Variants in ADGRD1 observed in about 807,000 individuals in gnomAD.
ADGRD1 encodes G-protein coupled receptor 133.
A neutral mutation model predicts 113.4 loss-of-function variants in ADGRD1; 77 were observed. The ratio of observed to expected loss-of-function variants is 0.68; its 90% CI spans 0.57 to 0.82. The LOEUF (loss-of-function observed/expected upper bound fraction) is 0.82. Among genes scored for constraint, ADGRD1 ranks in the 40% least tolerant of loss-of-function variants. ADGRD1 has a pLI of 0.00. For missense variants in ADGRD1, 1,036 were observed against 1,139.1 expected (o/e 0.91, Z 1.30); for synonymous variants, 474 against 475.0 (o/e 1.00, Z 0.03).
intron 15 of ADGRD1, among the ~76,000 whole-genome samples, chr12:131,085,948 G>A (rs192294504): frequency 2.2e-3 from 336 of 152,298 alleles, no homozygotes; most frequent in African/African-American, 7.4e-3. Context: ...CTGGAGGCTC[G>A]TCCCCAGTCT....
chr12:130,984,217 T>C lies in ADGRD1; in HGVS notation c.490+2154T>C, dbSNP rs757231202. On this transcript the variant is annotated intron_variant, in intron 5 of 24. Transcript: ENST00000261654. The surrounding 1 kb of genome is among the most constrained non-coding windows in gnomAD (Gnocchi z 4.1). ...ACGATCATTAGTTATGATTTTATTT[T>C]AAAATTAAGATTTTCCAATTTCTTT... Among the ~76,000 whole-genome samples, 14 of 152,248 alleles carry C rather than the reference T, an allele frequency of 9.2e-5. No homozygotes were observed. Among genetic ancestry groups the C allele is most frequent in the Non-Finnish European group, 1.6e-4 (11 of 68,040 alleles).
chr12:131,116,627 C>T (rs544413529), intron 18 of ADGRD1, among the ~76,000 whole-genome samples: 102 of 148,862 alleles, frequency 6.9e-4, no homozygotes, highest in African/African-American at 2.4e-3. Flanking sequence ...ACTTCAGCTA[C>T]GGAGGCAGAG....
chr12:131,088,255 T>C (rs972939267), intron 15 of ADGRD1, among the ~76,000 whole-genome samples: 11 of 152,098 alleles, frequency 7.2e-5, no homozygotes, highest in Non-Finnish European at 1.3e-4. Context: ...CAGCGTGTTA[T>C]TGAATTACCG....
intron 12 of ADGRD1, among the ~76,000 whole-genome samples, chr12:131,010,070 G>A (rs1460823514): frequency 2.6e-5 from 4 of 152,194 alleles, no homozygotes; most frequent in East Asian, 1.9e-4. Context: ...GGGCAGCATC[G>A]GTGCTGAGGA....
intron 15 of ADGRD1, among the ~76,000 whole-genome samples, chr12:131,101,377 C>CTTTTT (rs71095334): frequency 0.017 from 616 of 36,118 alleles, 39 homozygotes; most frequent in East Asian, 0.035. Flanking sequence ...TTCTTTCTTT[C>CTTTTT]TTTTTTTTTT....
chr12:131,104,826 C>T lies in ADGRD1; in HGVS notation c.1672-5C>T, dbSNP rs764378093. 3.7e-5 allele frequency: 57 copies of T among 1,544,746 alleles called. No individual in the cohort carries two copies. Among genetic ancestry groups the T allele is most frequent in the South Asian group, 2.1e-4 (18 of 83,902 alleles). ...CTGCTGACGCCTCTGCTCTGCTCCC[C>T]GCAGCTTGCACGCGGACACCAGGTG... On this transcript the variant is annotated splice_polypyrimidine_tract_variant and splice_region_variant and intron_variant, in intron 15 of 24. Coordinates refer to ENST00000261654, the MANE Select transcript of ADGRD1 (RefSeq NM_198827.5).
chr12:131,046,252 TCCTCCTGGTCAGTGCTC>T lies in ADGRD1; in HGVS notation c.1474-30543_1474-30527del, dbSNP rs1566061682. On this transcript the variant is annotated intron_variant, in intron 13 of 24. Coordinates refer to ENST00000261654, the MANE Select transcript of ADGRD1 (RefSeq NM_198827.5). ...GGTCAGTGCTCCTCCCTGGTCAGTG[TCCTCCTGGTCAGTGCTC>T]CCTCCCTGGTCAATGCTCCCTCCCT... is the stretch of plus-strand genomic sequence containing the variant. 1.5e-3 allele frequency among the ~76,000 whole-genome samples: 205 copies of T among 141,130 alleles called. 12 individuals carry two copies. The highest frequency in any genetic ancestry group is 5.3e-3 in the African/African-American group (191 of 35,808). 92.6% of individuals were successfully genotyped at this position (141,130 alleles called of 152,430 possible). A position where few individuals can be genotyped will look rare whatever the true frequency, so the allele number is the denominator to read the frequency against.
At chr12:131,015,368 G>C (rs1878432692) in intron 13 of ADGRD1, among the ~76,000 whole-genome samples, 3 of 151,930 alleles carry the variant, frequency 2.0e-5, no homozygotes, top group Non-Finnish European at 4.4e-5. Context: ...AGATGCAGAG[G>C]GGACTGGAAT....
At chr12:131,081,168 T>C (rs1329004753) in intron 14 of ADGRD1, among the ~76,000 whole-genome samples, 3 of 152,140 alleles carry the variant, frequency 2.0e-5, no homozygotes, top group Non-Finnish European at 2.9e-5. Flanking sequence ...ATTTATATAT[T>C]TATATTTAAA....
intron 18 of ADGRD1, among the ~76,000 whole-genome samples, chr12:131,114,578 T>C (rs1460788040): frequency 6.6e-6 from 1 of 152,178 alleles, no homozygotes; most frequent in East Asian, 1.9e-4. Context: ...CTGCAGGCAG[T>C]TGGGCTCTCT....
intron 14 of ADGRD1, among the ~76,000 whole-genome samples, chr12:131,077,498 G>T (rs566953248): frequency 6.6e-6 from 1 of 152,280 alleles, no homozygotes; most frequent in South Asian, 2.1e-4. Flanking sequence ...ATGTCTGGGG[G>T]ATCTCCCACC....
intron 4 of ADGRD1, among the ~76,000 whole-genome samples, chr12:130,975,071 G>A (rs1292478061): frequency 6.6e-6 from 1 of 152,128 alleles, no homozygotes; most frequent in African/African-American, 2.4e-5. Flanking sequence ...CAATACTCAG[G>A]ATTCTGTCTT....
At chr12:131,002,682 G>A in intron 9 of ADGRD1, 1 of 1,176,184 alleles carries the variant, frequency 8.5e-7, no homozygotes, top group Non-Finnish European at 1.1e-6. Context: ...TGGAGTAGAA[G>A]GCAAGCTCCT....
chr12:131,120,624 G>A (rs1265043378), intron 19 of ADGRD1: 1 of 618,718 alleles, frequency 1.6e-6, no homozygotes, highest in Non-Finnish European at 2.9e-6. Context: ...AAACTCTCCA[G>A]AGGTTGCTGT....
intron 13 of ADGRD1, among the ~76,000 whole-genome samples, chr12:131,044,349 G>A (rs943464480): frequency 2.0e-5 from 3 of 152,168 alleles, no homozygotes; most frequent in African/African-American, 7.2e-5. Context: ...GTCCGCGCGT[G>A]TTGCTGTCCG....
intron 20 of ADGRD1, 112 bp from the exon 21 acceptor site, chr12:131,131,613 A>AT: frequency 1.4e-6 from 1 of 697,976 alleles, no homozygotes; most frequent in Non-Finnish European, 2.5e-6. Flanking sequence ...GTGTCCCAGG[A>AT]GCCCTGGCTG....
chr12:131,138,269 C>T (rs747914384), intron 24 of ADGRD1, 40 bp downstream of exon 24: 3 of 1,559,908 alleles, frequency 1.9e-6, no homozygotes, highest in Admixed American at 1.7e-5. Flanking sequence ...CCAGCCCATC[C>T]TCCTTCCCCA....
chr12:131,066,193 C>T (rs1014129739), intron 13 of ADGRD1, among the ~76,000 whole-genome samples: 10 of 152,154 alleles, frequency 6.6e-5, no homozygotes, highest in African/African-American at 1.4e-4. Flanking sequence ...GGATTGTGAC[C>T]GCTACAAGAT....
At chr12:130,990,943 A>G in intron 6 of ADGRD1, 71 bp from the exon 7 acceptor site, 1 of 1,190,984 alleles carries the variant, frequency 8.4e-7, no homozygotes, top group Non-Finnish European at 1.2e-6. Context: ...CATTTTTAAC[A>G]AGGACAGGTC....
Sources: gnomAD v4.1 joint callset for allele counts (sites outside exome capture counted in the v4.1 genomes callset) on GRCh38, gnomAD v4.1.1 for gene constraint, Gnocchi (gnomAD v3.1) non-coding constraint, MANE v1.5 for transcripts, NCBI Gene and HGNC (gene_info 2026-07-23, HGNC 2026-07-21) for gene names.